Variants in ZFP14 observed in about 807,000 individuals in gnomAD.
ZFP14 encodes the protein zinc finger protein 14 homolog.
Under a neutral mutation model 54.5 loss-of-function variants are expected in ZFP14, and 22 were observed. That is an observed-to-expected ratio of 0.40 (90% CI 0.29 to 0.58). The LOEUF is 0.58. ZFP14 is among the 20% of genes least tolerant of loss of function. The probability of loss-of-function intolerance (pLI) is 0.39; values close to 1 mark genes in which losing one functional copy is unlikely to be tolerated. For synonymous variants in ZFP14, 159 were observed against 204.0 expected, an observed-to-expected ratio of 0.78 and a Z score of 1.88; for missense variants, 470 against 637.8, an observed-to-expected ratio of 0.74 and a Z score of 2.83.
In ZFP14 at chr19:36,360,477, G is replaced by T; in HGVS notation, c.193C>A (p.Pro65Thr). The T allele has an allele frequency of 1.2e-6, 2 of 1,613,624 alleles. No homozygotes were observed. The highest frequency in any genetic ancestry group is 1.7e-6 in the Non-Finnish European group (2 of 1,179,768). The change falls in exon 4 of 5, where the codon CCT becomes ACT. Residue 65 changes from proline to threonine, a missense_variant. By Grantham distance (38) the Pro-to-Thr change is conservative. Transcript: ENST00000270001. ...GTCCCTTCCCTCACAACCATCCCAG[G>T]TTCCTTCCTTTCTTCATCCAATAAG... is the stretch of plus-strand genomic sequence containing the variant. ...ITLLDEERKE[P>T]GMVVREGTRR... is the part of the protein sequence containing the mutation.
At chr19:36,372,116 A>AAAGG (rs1049187381) in intron 1 of ZFP14, among the ~76,000 whole-genome samples, 41 of 150,882 alleles carry the variant, frequency 2.7e-4, no homozygotes, top group Non-Finnish European at 4.3e-4. Flanking sequence ...AGGAAGGAAG[A>AAAGG]AAGGAAGGAA....
At chr19:36,365,241 T>C (rs34957973) in intron 2 of ZFP14, among the ~76,000 whole-genome samples, 6,844 of 152,216 alleles carry the variant, frequency 0.045, 217 homozygotes, top group Non-Finnish European at 0.066. Flanking sequence ...TTTGCACATT[T>C]TCCTCCAATA....
Position 36,335,602 on chromosome 19 carries a change from T to TA in ZFP14, c.*4621dup, listed in dbSNP as rs1471016834. 1 of 149,274 alleles carries TA rather than the reference T, an allele frequency of 6.7e-6. No individual in the cohort carries two copies. The highest frequency in any genetic ancestry group is 1.9e-4 in the East Asian group (1 of 5,176). 9.2% of individuals were successfully genotyped at this position (149,274 alleles called of 1,614,324 possible). On this transcript the variant is annotated 3_prime_UTR_variant, in exon 5 of 5. Coordinates refer to ENST00000270001, the MANE Select transcript of ZFP14 (RefSeq NM_020917.3). ...ACACACACACACACACATTTTTTGT[T>TA]AATCTATTTGGGTTATACGGTGAGT...
chr19:36,351,101 G>C (rs2031517313), intron 4 of ZFP14, among the ~76,000 whole-genome samples: 1 of 143,476 alleles, frequency 7.0e-6, no homozygotes, highest in South Asian at 2.2e-4. Flanking sequence ...AAAATAATAA[G>C]GAGCACTGTA....
chr19:36,360,959 A>G (rs1367303246), intron 3 of ZFP14, among the ~76,000 whole-genome samples: 1 of 152,202 alleles, frequency 6.6e-6, no homozygotes, highest in Non-Finnish European at 1.5e-5. Context: ...ATCTTCTCAT[A>G]GCGTTGTTGT....
At chr19:36,371,045 G>A (rs1044803988) in intron 1 of ZFP14, among the ~76,000 whole-genome samples, 106 of 152,140 alleles carry the variant, frequency 7.0e-4, no homozygotes, top group Admixed American at 6.5e-3. Flanking sequence ...GGCGGATCAC[G>A]AGGTCAGGAG....
At chr19:36,363,999 A>G (rs527460686) in intron 2 of ZFP14, among the ~76,000 whole-genome samples, 3 of 152,130 alleles carry the variant, frequency 2.0e-5, no homozygotes, top group African/African-American at 7.2e-5. Flanking sequence ...CAAAAAAAAA[A>G]AAAAGTCAAT....
At position 36,336,394 on chromosome 19, in the gene ZFP14, C is replaced by T. The variant is rs2031197997; in HGVS notation, c.*3830G>A. On this transcript the variant is annotated 3_prime_UTR_variant, in exon 5 of 5. Transcript: ENST00000270001. The stretch of plus-strand genomic sequence containing the variant: ...AGCTGGGATTACAGGCATGCACCAC[C>T]ATGCCTGGCTAATTTTGTATCTTTA... 2.0e-5 allele frequency: 3 copies of T among 151,992 alleles called. No individual in the cohort carries two copies. In the South Asian group the frequency reaches 6.2e-4, roughly 32 times the overall value. 9.4% of individuals were successfully genotyped at this position (151,992 alleles called of 1,614,324 possible). A position where few individuals can be genotyped will look rare whatever the true frequency, so the allele number is the denominator to read the frequency against.
At chr19:36,373,935 T>C (rs1169849670) in intron 1 of ZFP14, among the ~76,000 whole-genome samples, 1 of 103,880 alleles carries the variant, frequency 9.6e-6, no homozygotes, top group African/African-American at 3.6e-5. Context: ...AAGAAAAAAA[T>C]GAAAGAAAAA....
intron 4 of ZFP14, among the ~76,000 whole-genome samples, chr19:36,347,294 C>T (rs2031434857): frequency 6.6e-6 from 1 of 152,118 alleles, no homozygotes; most frequent in African/African-American, 2.4e-5. Flanking sequence ...ACAACCAAGG[C>T]TAATTACTAA....
chr19:36,366,453 C>T (rs2031796569), intron 2 of ZFP14, among the ~76,000 whole-genome samples: 1 of 152,072 alleles, frequency 6.6e-6, no homozygotes, highest in African/African-American at 2.4e-5. Context: ...TGAGTAGCTG[C>T]GTCTATAGGT....
rs567819786 is a variant in ZFP14, at chr19:36,362,071, C to G, written c.136+41G>C. 3.0e-5 allele frequency: 46 copies of G among 1,552,072 alleles called. No homozygotes were observed. In the South Asian group the frequency reaches 5.5e-4, roughly 19 times the overall value. ...TTTCTAAATATAGTCCTGAAATTGACAGCAGAGAAAGCTAATATCATTTGG... is the reference window on the plus strand; with the variant it reads ...TTTCTAAATATAGTCCTGAAATTGAGAGCAGAGAAAGCTAATATCATTTGG... On this transcript the variant is annotated intron_variant, in intron 3 of 4. Coordinates refer to ENST00000270001, the MANE Select transcript of ZFP14 (RefSeq NM_020917.3).
intron 4 of ZFP14, among the ~76,000 whole-genome samples, chr19:36,348,746 GT>G (rs2031462061): frequency 6.6e-6 from 1 of 152,062 alleles, no homozygotes; most frequent in African/African-American, 2.4e-5. Flanking sequence ...GACCCCGCCT[GT>G]GCTGCAACCT....
intron 1 of ZFP14, among the ~76,000 whole-genome samples, chr19:36,375,803 C>T (rs1392704638): frequency 6.6e-6 from 1 of 151,752 alleles, no homozygotes; most frequent in Non-Finnish European, 1.5e-5. Context: ...GTGATCTGCC[C>T]GCCTCGGCCT....
At chr19:36,375,926 C>A (rs949662674) in intron 1 of ZFP14, among the ~76,000 whole-genome samples, 1 of 151,888 alleles carries the variant, frequency 6.6e-6, no homozygotes, top group African/African-American at 2.4e-5. Flanking sequence ...CTCCTGACCT[C>A]GGGTAATGCA....
chr19:36,351,673 C>T (rs2031527772), intron 4 of ZFP14, among the ~76,000 whole-genome samples: 1 of 140,452 alleles, frequency 7.1e-6, no homozygotes, highest in Non-Finnish European at 1.6e-5. Flanking sequence ...CCAGCCTGGC[C>T]AACACAGTGA....
intron 1 of ZFP14, among the ~76,000 whole-genome samples, chr19:36,373,225 C>T (rs1190304031): frequency 6.0e-5 from 9 of 150,736 alleles, no homozygotes; most frequent in African/African-American, 2.2e-4. Context: ...TGTGGTGAGC[C>T]GAGATGGCGT....
At chr19:36,357,938 T>A (rs1256015492) in intron 4 of ZFP14, among the ~76,000 whole-genome samples, 2 of 151,952 alleles carry the variant, frequency 1.3e-5, no homozygotes, top group Non-Finnish European at 2.9e-5. Context: ...AGATAGGGTT[T>A]TACCATGTTG....
At chr19:36,351,990 T>C (rs930082959) in intron 4 of ZFP14, among the ~76,000 whole-genome samples, 2 of 143,076 alleles carry the variant, frequency 1.4e-5, no homozygotes, top group Non-Finnish European at 3.1e-5. Flanking sequence ...GAGACCATCC[T>C]GGCTAACATG....
Sources: allele counts gnomAD v4.1 joint callset (sites outside exome capture counted in the v4.1 genomes callset), GRCh38; gene constraint gnomAD v4.1.1; transcripts MANE v1.5; gene names NCBI Gene and HGNC (gene_info 2026-07-23, HGNC 2026-07-21).